The following PCDH9 variants were observed in gnomAD, a reference collection of about 807,000 sequenced individuals.
The protein encoded by PCDH9 is protocadherin-9.
A neutral mutation model predicts 70.6 loss-of-function variants in PCDH9; 24 were observed. The observed-to-expected ratio is 0.34, with a 90% CI of 0.25 to 0.48. PCDH9 has a LOEUF of 0.48. PCDH9 is among the 20% of genes least tolerant of loss of function. The pLI, the probability that PCDH9 is intolerant of heterozygous loss-of-function variation, is 0.99. For missense variants in PCDH9, 1,281 were observed against 1,503.6 expected, an observed-to-expected ratio of 0.85 and a Z score of 2.45; for synonymous variants, 562 against 558.5, an observed-to-expected ratio of 1.01 and a Z score of -0.09.
chr13:67,000,625 T>A (rs1269626664), intron 2 of PCDH9, among the ~76,000 whole-genome samples: 2 of 152,042 alleles, frequency 1.3e-5, no homozygotes, highest in Non-Finnish European at 2.9e-5. Context: ...ACTAAATATA[T>A]TTAACTATTA....
intron 3 of PCDH9, among the ~76,000 whole-genome samples, chr13:66,646,334 CT>C (rs2077770970): frequency 6.6e-6 from 1 of 152,130 alleles, no homozygotes; most frequent in South Asian, 2.1e-4. Flanking sequence ...GGGATTTTCA[CT>C]GTATTTTCTG....
At chr13:66,823,982 GTACTA>G (rs1387286226) in intron 3 of PCDH9, among the ~76,000 whole-genome samples, 2 of 151,922 alleles carry the variant, frequency 1.3e-5, no homozygotes, top group Non-Finnish European at 1.5e-5. Context: ...ACTTAGGAAA[GTACTA>G]TATAGATTCC....
chr13:66,413,304 A>G (rs920710171), intron 4 of PCDH9, among the ~76,000 whole-genome samples: 19 of 152,204 alleles, frequency 1.2e-4, no homozygotes, highest in African/African-American at 3.4e-4. Flanking sequence ...GTATTTTTCT[A>G]TGAATCTCCC....
chr13:66,414,294 C>G (rs912056182), intron 4 of PCDH9, among the ~76,000 whole-genome samples: 1 of 152,086 alleles, frequency 6.6e-6, no homozygotes, highest in Non-Finnish European at 1.5e-5. Context: ...GCTGACTTAA[C>G]TACAAAAGTT....
intron 3 of PCDH9, among the ~76,000 whole-genome samples, chr13:66,708,405 T>G (rs530504052): frequency 1.9e-3 from 272 of 145,558 alleles, no homozygotes; most frequent in African/African-American, 7.0e-3. Context: ...GAGATTTAGT[T>G]TTTTTTTTTT....
intron 4 of PCDH9, among the ~76,000 whole-genome samples, chr13:66,577,855 GA>G (rs2076836451): frequency 6.6e-6 from 1 of 151,888 alleles, no homozygotes; most frequent in African/African-American, 2.4e-5. Context: ...ATGAAAAGTT[GA>G]AAAAATAGGA....
chr13:67,084,760 A>G (rs949144092), intron 2 of PCDH9, among the ~76,000 whole-genome samples: 2 of 151,474 alleles, frequency 1.3e-5, no homozygotes, highest in Non-Finnish European at 2.9e-5. Flanking sequence ...CGAGGTCAAG[A>G]GATCGAGACC....
intron 3 of PCDH9, among the ~76,000 whole-genome samples, chr13:66,794,363 C>G (rs1408532425): frequency 6.6e-6 from 1 of 152,016 alleles, no homozygotes; most frequent in Middle Eastern, 3.2e-3. Context: ...TAATACACAC[C>G]AATTTAGATT....
chr13:66,486,822 A>G (rs1390559299), intron 4 of PCDH9, among the ~76,000 whole-genome samples: 2 of 152,156 alleles, frequency 1.3e-5, no homozygotes, highest in South Asian at 2.1e-4. Flanking sequence ...GTTTATGTCT[A>G]TTATATGAGA....
intron 2 of PCDH9, among the ~76,000 whole-genome samples, chr13:66,930,111 C>A (rs2082782839): frequency 6.6e-6 from 1 of 152,148 alleles, no homozygotes; most frequent in African/African-American, 2.4e-5. Flanking sequence ...TCTAGCCCTG[C>A]AGAGACTTTG....
chr13:66,548,003 G>A (rs956121909), intron 4 of PCDH9, among the ~76,000 whole-genome samples: 24 of 149,114 alleles, frequency 1.6e-4, no homozygotes, highest in Middle Eastern at 3.5e-3. Flanking sequence ...TGTTGTTTGC[G>A]TGTGTATTTG....
At chr13:66,516,902 T>C (rs1319767796) in intron 4 of PCDH9, among the ~76,000 whole-genome samples, 2 of 152,154 alleles carry the variant, frequency 1.3e-5, no homozygotes, top group African/African-American at 2.4e-5. Context: ...GAGTGTCATA[T>C]GGTTTAGAAT....
intron 2 of PCDH9, among the ~76,000 whole-genome samples, chr13:66,969,084 T>C (rs2083475663): frequency 6.6e-6 from 1 of 152,072 alleles, no homozygotes. Context: ...GCATTGCTAA[T>C]TTATTTCTTA....
In PCDH9 at chr13:66,334,424, G is replaced by A. The variant is rs536900333; in HGVS notation, c.3341-29396C>T. Reference sequence around the variant, plus strand: ...TAAAGAAAACACCTCCATAATGTGTGTGTTGGTCTTCAAACCATCAGGTTG... The same window carrying A: ...TAAAGAAAACACCTCCATAATGTGTATGTTGGTCTTCAAACCATCAGGTTG... On this transcript the variant is annotated intron_variant, in intron 4 of 4. Transcript: ENST00000377865. 4.0e-4 allele frequency among the ~76,000 whole-genome samples: 61 copies of A among 152,054 alleles called. 1 individual carries two copies. The highest frequency in any genetic ancestry group is 7.8e-4 in the Non-Finnish European group (53 of 67,998).
chr13:66,368,908 G>A (rs1347468008), intron 4 of PCDH9, among the ~76,000 whole-genome samples: 3 of 152,046 alleles, frequency 2.0e-5, no homozygotes, highest in Non-Finnish European at 4.4e-5. Flanking sequence ...TCACTATCAT[G>A]AGAACGGCAT....
chr13:66,590,034 C>A (rs1233659790), intron 4 of PCDH9, among the ~76,000 whole-genome samples: 8 of 151,996 alleles, frequency 5.3e-5, no homozygotes, highest in African/African-American at 1.9e-4. Context: ...AACCAATTGG[C>A]TGCCTTATTG....
At chr13:66,585,524 C>A (rs2076951186) in intron 4 of PCDH9, among the ~76,000 whole-genome samples, 1 of 152,028 alleles carries the variant, frequency 6.6e-6, no homozygotes, top group Non-Finnish European at 1.5e-5. Flanking sequence ...AAATATGTTG[C>A]TTTAAAAATA....
intron 4 of PCDH9, among the ~76,000 whole-genome samples, chr13:66,312,597 C>T (rs974982858): frequency 1.5e-5 from 2 of 129,860 alleles, no homozygotes; most frequent in African/African-American, 3.0e-5. Flanking sequence ...GGAGATAGAG[C>T]GAGATCCTGC....
intron 4 of PCDH9, among the ~76,000 whole-genome samples, chr13:66,579,661 T>C (rs2138775037): frequency 6.6e-6 from 1 of 152,200 alleles, no homozygotes; most frequent in African/African-American, 2.4e-5. Context: ...TAGACATATG[T>C]ATGTATACCC....
Sources: allele counts gnomAD v4.1 joint callset (sites outside exome capture counted in the v4.1 genomes callset), GRCh38; gene constraint gnomAD v4.1.1; transcripts MANE v1.5; gene names NCBI Gene and HGNC (gene_info 2026-07-23, HGNC 2026-07-21).